GRAP: variants seen among roughly 807,000 people sequenced by gnomAD.
GRAP encodes the protein GRB2 related adaptor protein, also known as GRB2-related adapter protein.
GRAP carries 2 observed loss-of-function variants against 9.1 expected under a neutral mutation model. That is an observed-to-expected ratio of 0.22 (90% CI 0.09 to 0.69). The LOEUF (loss-of-function observed/expected upper bound fraction) is 0.69, where lower values mean the gene tolerates loss of function less well. Ranked by LOEUF, GRAP falls within the 30% of genes least tolerant of loss-of-function variation. The pLI, the probability that GRAP is intolerant of heterozygous loss-of-function variation, is 0.81. For missense variants in GRAP, 113 were observed against 179.4 expected (o/e 0.63, Z 2.12); for synonymous variants, 68 against 73.6 (o/e 0.92, Z 0.39).
chr17:19,022,380 G>A (rs1006490447), intron 4 of GRAP: 7 of 392,674 alleles, frequency 1.8e-5, no homozygotes, highest in African/African-American at 8.2e-5. Context: ...TTTCCCAGCC[G>A]CCCAGCTGGG....
chr17:19,022,060 T>C lies in GRAP; in HGVS notation c.553A>G (p.Ile185Val). 1.3e-6 allele frequency: 2 copies of C among 1,595,640 alleles called. No homozygotes were observed. Among genetic ancestry groups the C allele is most frequent in the Non-Finnish European group, 1.7e-6 (2 of 1,171,986 alleles). The change falls in exon 5 of 5, where the codon ATT (isoleucine) becomes GTT (valine). Residue 185 changes from isoleucine (I) to valine (V), a missense_variant. By Grantham distance (29) the Ile-to-Val change is conservative. This residue lies in a region of GRAP where 113 missense variants were observed against 163.3 expected (regional missense o/e 0.69). Transcript: ENST00000284154. ...SQLSFRRGDI[I>V]EVLERPDPHW... The stretch of plus-strand genomic sequence containing the variant: ...GGGTCTGGGCGCTCCAGGACCTCAA[T>C]GATGTCGCCACGGCGGAAGCTGAGC...
chr17:19,021,807 G>T lies in GRAP; in HGVS notation c.*152C>A, dbSNP rs2044268423. ...GGGGACCTGGGCCATCCCAGTTTGT[G>T]CAGAGCGGCCGGAGGCAGTTAGGAG... On this transcript the variant is annotated 3_prime_UTR_variant, in exon 5 of 5. Coordinates refer to ENST00000284154, the MANE Select transcript of GRAP (RefSeq NM_006613.4). The surrounding 1 kb of genome is among the most constrained non-coding windows in gnomAD (Gnocchi z 4.1). 1 of 719,102 alleles carries T rather than the reference G, an allele frequency of 1.4e-6. No individual in the cohort carries two copies. The highest frequency in any genetic ancestry group is 2.0e-6 in the Non-Finnish European group (1 of 504,900). The allele number at this position is 719,102 out of a possible 1,614,324, so 44.5% of individuals were successfully genotyped here. A position where few individuals can be genotyped will look rare whatever the true frequency, so the allele number is the denominator to read the frequency against.
intron 4 of GRAP, 149 bp from the exon 5 acceptor site, chr17:19,022,293 G>T: frequency 2.0e-6 from 1 of 493,026 alleles, no homozygotes; most frequent in African/African-American, 2.0e-5. Context: ...ATCAATGGTA[G>T]TGCCACCACT....
rs1385673234 is a variant in GRAP at position 19,024,272 on chromosome 17, G to A, written c.411C>T (p.Thr137=). 21 of 1,606,624 alleles carry A rather than the reference G, an allele frequency of 1.3e-5. No individual in the cohort carries two copies. Among genetic ancestry groups the A allele is most frequent in the Non-Finnish European group, 1.8e-5 (21 of 1,176,590 alleles). ...SLNELVDFYR[T]TTIAKKRQIF... ...TCTGCCGCTTCTTGGCGATGGTGGT[G>A]GTGCGGTAGAAGTCGACCAGCTCGT... Residue 137 remains threonine (T), a synonymous_variant, in exon 4 of 5, where the codon ACC becomes ACT. Coordinates refer to ENST00000284154, the MANE Select transcript of GRAP (RefSeq NM_006613.4). This position sits in a 1 kb window ranked among gnomAD's most constrained non-coding sequence, Gnocchi z 4.2.
intron 3 of GRAP, among the ~76,000 whole-genome samples, chr17:19,025,658 G>C (rs2044309970): frequency 7.3e-6 from 1 of 136,552 alleles, no homozygotes; most frequent in African/African-American, 2.8e-5. Context: ...TGTCACCCAG[G>C]CTAGAGTGCA....
chr17:19,024,403 G>C lies in GRAP; in HGVS notation c.300-20C>G. Reference sequence around the variant, plus strand: ...CCATAGCTAGGGGAAAGGACCCGGGGCCACCTCAGGTGGTGGCCGTCCCAG... The same window carrying C: ...CCATAGCTAGGGGAAAGGACCCGGGCCCACCTCAGGTGGTGGCCGTCCCAG... On this transcript the variant is annotated intron_variant, in intron 3 of 4. Coordinates refer to ENST00000284154, the MANE Select transcript of GRAP (RefSeq NM_006613.4). This position sits in a 1 kb window ranked among gnomAD's most constrained non-coding sequence, Gnocchi z 4.2. 6.2e-7 allele frequency: 1 copy of C among 1,606,124 alleles called. No homozygotes were observed. Among genetic ancestry groups the C allele is most frequent in the East Asian group, 2.2e-5 (1 of 44,676 alleles).
rs368059562 is a variant in GRAP at position 19,023,924 on chromosome 17, GT to G, written c.468+290del. ...TGAACATTTATTGAGCACCTACTGTGTGCCACATGCTATTCTAGGAGCTGAG... is the reference window on the plus strand; with the variant it reads ...TGAACATTTATTGAGCACCTACTGTGGCCACATGCTATTCTAGGAGCTGAG... On this transcript the variant is annotated intron_variant, in intron 4 of 4. Coordinates refer to ENST00000284154, the MANE Select transcript of GRAP (RefSeq NM_006613.4). Among the ~76,000 whole-genome samples the G allele has an allele frequency of 5.9e-4, 90 of 152,160 alleles. No individual in the cohort carries two copies. In the East Asian group the frequency reaches 0.013, roughly 23 times the overall value.
At chr17:19,027,484 G>GCGCGCACACACA (rs1555583245) in intron 3 of GRAP, among the ~76,000 whole-genome samples, 3 of 121,114 alleles carry the variant, frequency 2.5e-5, no homozygotes, top group African/African-American at 9.3e-5. Flanking sequence ...GCGCGCGCGC[G>GCGCGCACACACA]CACACACACA....
Position 19,024,360 on chromosome 17 carries a change from A to C in GRAP, c.323T>G (p.Phe108Cys). 1 of 1,611,996 alleles carries C rather than the reference A, an allele frequency of 6.2e-7. No individual in the cohort carries two copies. Among genetic ancestry groups the C allele is most frequent in the Non-Finnish European group, 8.5e-7 (1 of 1,179,572 alleles). The change falls in exon 4 of 5, where the codon TTC (phenylalanine) becomes TGC (cysteine). Residue 108 changes from phenylalanine to cysteine, a missense_variant. Phe to Cys is a radical substitution (Grantham distance 205). Around this residue, in one of 2 missense-constraint regions of GRAP, gnomAD observed 113 missense variants for 163.3 expected, o/e 0.69. Transcript: ENST00000284154. This position sits in a 1 kb window ranked among gnomAD's most constrained non-coding sequence, Gnocchi z 4.2. The part of the protein sequence containing the change: ...SVNYGDQVQH[F>C]KVLREASGKY... ...CCCCGAGGCCTCACGCAGCACCTTG[A>C]AGTGCTGCACCTGGTCTCCATAGCT...
rs970147609 is a variant in GRAP, at chr17:19,024,486, G to A, written c.300-103C>T. The A allele has an allele frequency of 3.4e-6, 5 of 1,487,986 alleles. No individual in the cohort carries two copies. Among genetic ancestry groups the A allele is most frequent in the African/African-American group, 2.8e-5 (2 of 71,508 alleles). 92.2% of individuals were successfully genotyped at this position (1,487,986 alleles called of 1,614,324 possible). On this transcript the variant is annotated intron_variant, in intron 3 of 4. Coordinates refer to ENST00000284154, the MANE Select transcript of GRAP (RefSeq NM_006613.4). The surrounding 1 kb of genome is among the most constrained non-coding windows in gnomAD (Gnocchi z 4.2). ...ACCACCTGGAACCAGCCTGTCTCAC[G>A]GTGGGACCTGGAGTCAGATAAGGTG...
chr17:19,027,483 C>CACAT (rs2044317676), intron 3 of GRAP, among the ~76,000 whole-genome samples: 1 of 41,654 alleles, frequency 2.4e-5, no homozygotes, highest in Non-Finnish European at 1.4e-4. Flanking sequence ...CGCGCGCGCG[C>CACAT]GCACACACAC....
intron 3 of GRAP, among the ~76,000 whole-genome samples, chr17:19,028,024 G>A (rs1270676700): frequency 6.8e-6 from 1 of 147,568 alleles, no homozygotes; most frequent in Admixed American, 7.1e-5. Context: ...TGGGATTACA[G>A]GCACCTGCCA....
At chr17:19,023,968 G>A (rs1176613418) in intron 4 of GRAP, among the ~76,000 whole-genome samples, 1 of 152,118 alleles carries the variant, frequency 6.6e-6, no homozygotes, top group East Asian at 1.9e-4. Flanking sequence ...TAGACAGTTT[G>A]TCCCCATGGG....
At chr17:19,032,953 A>C (rs2044347794) in intron 3 of GRAP, 1 of 54,114 alleles carries the variant, frequency 1.8e-5, no homozygotes, top group African/African-American at 4.9e-5. Flanking sequence ...GTCAGGGCCA[A>C]GAACGCACAG....
chr17:19,051,042 A>G (rs2044394647), upstream of GRAP, among the ~76,000 whole-genome samples: 1 of 143,062 alleles, frequency 7.0e-6, no homozygotes. Context: ...CTGTCTCAGA[A>G]AAAAAAAAAA....
chr17:19,027,549 T>C (rs1437685368), intron 3 of GRAP, among the ~76,000 whole-genome samples: 6 of 142,590 alleles, frequency 4.2e-5, no homozygotes, highest in East Asian at 2.2e-4. Flanking sequence ...GGGTTGTAAA[T>C]TGAAATCTGG....
chr17:19,024,337 C>T lies in GRAP; in HGVS notation c.346G>A (p.Gly116Arg). 1.2e-6 allele frequency: 2 copies of T among 1,612,096 alleles called. No homozygotes were observed. Among genetic ancestry groups the T allele is most frequent in the South Asian group, 2.2e-5 (2 of 90,634 alleles). Reference sequence around the variant, plus strand: ...TTCTCCTCCCACAGGAAGTACTTCCCCGAGGCCTCACGCAGCACCTTGAAG... The same window carrying T: ...TTCTCCTCCCACAGGAAGTACTTCCTCGAGGCCTCACGCAGCACCTTGAAG... ...QHFKVLREAS[G>R]KYFLWEEKFN... Residue 116 changes from glycine (G) to arginine (R), a missense_variant, in exon 4 of 5, where the codon GGG becomes AGG. By Grantham distance (125) the Gly-to-Arg change is moderately radical. This residue lies in a region of GRAP where 113 missense variants were observed against 163.3 expected (regional missense o/e 0.69). Transcript: ENST00000284154. The surrounding 1 kb of genome is among the most constrained non-coding windows in gnomAD (Gnocchi z 4.2).
chr17:19,043,531 A>G (rs1336840171), intron 1 of GRAP, among the ~76,000 whole-genome samples: 1 of 152,288 alleles, frequency 6.6e-6, no homozygotes, highest in African/African-American at 2.4e-5. Flanking sequence ...CAGGAGGCTG[A>G]GGCAGGAGAA....
intron 3 of GRAP, among the ~76,000 whole-genome samples, chr17:19,025,261 G>A (rs1225532891): frequency 6.9e-6 from 1 of 145,948 alleles, no homozygotes; most frequent in Admixed American, 7.1e-5. Flanking sequence ...GCGCTATCTC[G>A]GCTCACTGCA....
Sources: gnomAD v4.1 joint callset for allele counts (sites outside exome capture counted in the v4.1 genomes callset) on GRCh38, gnomAD v4.1.1 for gene constraint, gnomAD v4.1.1 regional missense constraint, Gnocchi (gnomAD v3.1) non-coding constraint, MANE v1.5 for transcripts, NCBI Gene and HGNC (gene_info 2026-07-23, HGNC 2026-07-21) for gene names.